MTRF1: variants seen among roughly 807,000 people sequenced by gnomAD.
MTRF1 encodes mitochondrial translation release factor 1.
In MTRF1, 51 loss-of-function variants were observed where a neutral mutation model predicts 62.9. The observed-to-expected ratio is 0.81, with a 90% CI of 0.65 to 1.02. The LOEUF (loss-of-function observed/expected upper bound fraction) is 1.02. Among genes scored for constraint, MTRF1 ranks in the 50% least tolerant of loss-of-function variants. The pLI is 0.00. For synonymous variants in MTRF1, 158 were observed against 181.9 expected (o/e 0.87, Z 1.06); for missense variants, 446 against 530.0 (o/e 0.84, Z 1.56).
intron 2 of MTRF1, among the ~76,000 whole-genome samples, chr13:41,259,712 A>AATAAACAAAAACAAAAAAAAAC (rs2040193345): frequency 2.2e-5 from 3 of 136,714 alleles, no homozygotes; most frequent in Non-Finnish European, 4.7e-5. Flanking sequence ...AAAAAAAAAA[A>AATAAACAAAAACAAAAAAAAAC]AAAAAAAAAC....
At chr13:41,274,524 T>C in the MTRF1 span, among the ~76,000 whole-genome samples, 1 of 152,042 alleles carries the variant, frequency 6.6e-6, no homozygotes, top group African/African-American at 2.4e-5. Flanking sequence ...CCCAGACATA[T>C]AAGTACACCA....
chr13:41,298,546 T>G, the MTRF1 span, among the ~76,000 whole-genome samples: 1 of 152,244 alleles, frequency 6.6e-6, no homozygotes, highest in South Asian at 2.1e-4. Context: ...TGCTTCAGAA[T>G]TGGAAGTCCT....
intron 7 of MTRF1, among the ~76,000 whole-genome samples, chr13:41,232,738 T>TC (rs1430066083): frequency 6.6e-6 from 1 of 151,920 alleles, no homozygotes; most frequent in African/African-American, 2.4e-5. Context: ...TGAAAGGAAC[T>TC]CCCCAACTGC....
At chr13:41,309,341 AGTGTGTGTGTGTGTGTGT>A in the MTRF1 span, among the ~76,000 whole-genome samples, 6 of 135,662 alleles carry the variant, frequency 4.4e-5, no homozygotes, top group East Asian at 4.5e-4. Context: ...ATGCCCAGCT[AGTGTGTGTGTGTGTGTGT>A]GTGTGTGTGT....
At chr13:41,242,085 G>A (rs1382621426) in intron 5 of MTRF1, among the ~76,000 whole-genome samples, 1 of 152,046 alleles carries the variant, frequency 6.6e-6, no homozygotes, top group South Asian at 2.1e-4. Context: ...CAAGATAAAT[G>A]TTTGATTCTG....
At chr13:41,232,549 A>G (rs930020590) in intron 7 of MTRF1, among the ~76,000 whole-genome samples, 1 of 152,228 alleles carries the variant, frequency 6.6e-6, no homozygotes, top group African/African-American at 2.4e-5. Context: ...GAAATGATCG[A>G]TGAAGTGTGA....
chr13:41,311,264 C>G, the MTRF1 span: 2 of 551,522 alleles, frequency 3.6e-6, no homozygotes, highest in African/African-American at 2.0e-5. Flanking sequence ...TGGCTGCCAT[C>G]TTGCAGTGCG....
the MTRF1 span, among the ~76,000 whole-genome samples, chr13:41,306,056 CAAAG>C: frequency 6.6e-6 from 1 of 151,642 alleles, no homozygotes; most frequent in African/African-American, 2.4e-5. Flanking sequence ...ATGAAGAACT[CAAAG>C]GGAGGAATAA....
At chr13:41,270,335 CT>C in the MTRF1 span, among the ~76,000 whole-genome samples, 1 of 151,034 alleles carries the variant, frequency 6.6e-6, no homozygotes, top group African/African-American at 2.4e-5. Context: ...GTCTTTTTTC[CT>C]GATTAAAATA....
upstream of MTRF1, among the ~76,000 whole-genome samples, chr13:41,266,778 G>A (rs2040844010): frequency 6.6e-6 from 1 of 152,030 alleles, no homozygotes; most frequent in African/African-American, 2.4e-5. Context: ...GGATCACGAG[G>A]TCAGGAGATC....
chr13:41,281,468 G>A, the MTRF1 span, among the ~76,000 whole-genome samples: 1 of 152,032 alleles, frequency 6.6e-6, no homozygotes, highest in Non-Finnish European at 1.5e-5. Context: ...TCCTGTGAAG[G>A]CCCATTTGTA....
chr13:41,273,193 G>A, the MTRF1 span, among the ~76,000 whole-genome samples: 1 of 152,078 alleles, frequency 6.6e-6, no homozygotes, highest in East Asian at 1.9e-4. Flanking sequence ...GGGCGTGGTG[G>A]TGGGCGCCTG....
the MTRF1 span, among the ~76,000 whole-genome samples, chr13:41,283,714 C>T: frequency 3.3e-5 from 5 of 150,064 alleles, no homozygotes; most frequent in South Asian, 2.1e-4. Context: ...CTCAGCCTCC[C>T]GAGTAGCTGG....
At chr13:41,279,396 C>T in the MTRF1 span, among the ~76,000 whole-genome samples, 2 of 152,202 alleles carry the variant, frequency 1.3e-5, no homozygotes, top group South Asian at 2.1e-4. Context: ...GCCTCTTAAC[C>T]GTAACCCAAA....
At chr13:41,278,552 T>G in the MTRF1 span, among the ~76,000 whole-genome samples, 1 of 152,208 alleles carries the variant, frequency 6.6e-6, no homozygotes, top group African/African-American at 2.4e-5. Context: ...TGAATTGGCC[T>G]TATGTTCCCT....
At chr13:41,242,025 T>A (rs532505726) in intron 5 of MTRF1, among the ~76,000 whole-genome samples, 21 of 152,324 alleles carry the variant, frequency 1.4e-4, no homozygotes, top group African/African-American at 3.8e-4. Context: ...AAGAGACACT[T>A]CCCCTTGTCT....
At chr13:41,301,092 G>A in the MTRF1 span, among the ~76,000 whole-genome samples, 1 of 152,168 alleles carries the variant, frequency 6.6e-6, no homozygotes, top group South Asian at 2.1e-4. Flanking sequence ...CAGAGTAAGT[G>A]TTCAATAACA....
At chr13:41,255,935 G>A (rs769268906) in intron 2 of MTRF1, among the ~76,000 whole-genome samples, 2 of 151,826 alleles carry the variant, frequency 1.3e-5, no homozygotes. Context: ...TGCAAATTGA[G>A]GTAAAAAATT....
At chr13:41,266,757 C>T, upstream of MTRF1, among the ~76,000 whole-genome samples, 1 of 152,064 alleles carries the variant, frequency 6.6e-6, no homozygotes. Context: ...ACTTTGGGAG[C>T]CGAGGTGGGT....
Sources: gnomAD v4.1 joint callset for allele counts (sites outside exome capture counted in the v4.1 genomes callset) on GRCh38, gnomAD v4.1.1 for gene constraint, MANE v1.5 for transcripts, NCBI Gene and HGNC (gene_info 2026-07-23, HGNC 2026-07-21) for gene names.